PRKDC: variants seen among roughly 807,000 people sequenced by gnomAD.
PRKDC encodes the protein protein kinase, DNA-activated, catalytic subunit, also known as DNA-dependent protein kinase catalytic subunit.
PRKDC carries 82 observed loss-of-function variants against 486.9 expected under a neutral mutation model. The ratio of observed to expected loss-of-function variants is 0.17; its 90% confidence interval spans 0.14 to 0.20. The LOEUF (loss-of-function observed/expected upper bound fraction) is 0.20. Ranked by LOEUF, PRKDC falls within the 10% of genes least tolerant of loss-of-function variation. The pLI is 1.00. For synonymous variants in PRKDC, 1,895 were observed against 1,837.0 expected (o/e 1.03, Z -0.81); for missense variants, 4,504 against 5,038.2 (o/e 0.89, Z 3.21).
intron 7 of PRKDC, among the ~76,000 whole-genome samples, chr8:47,951,003 C>T (rs1298752121): frequency 2.6e-5 from 4 of 152,128 alleles, no homozygotes; most frequent in African/African-American, 9.7e-5. Flanking sequence ...AATAAAAAAA[C>T]TGAACTTTAG....
chr8:47,941,524 G>A (rs1295593634), intron 10 of PRKDC, among the ~76,000 whole-genome samples: 1 of 152,202 alleles, frequency 6.6e-6, no homozygotes, highest in East Asian at 1.9e-4. Context: ...GGAGCACCCA[G>A]TCAATGCTCC....
intron 80 of PRKDC, among the ~76,000 whole-genome samples, chr8:47,780,663 G>T (rs1376408913): frequency 6.6e-6 from 1 of 152,184 alleles, no homozygotes; most frequent in East Asian, 1.9e-4. Context: ...CTGTAGGCCG[G>T]GCGCAGTGGC....
chr8:47,941,046 C>A (rs1268975385), intron 10 of PRKDC, among the ~76,000 whole-genome samples: 1 of 151,386 alleles, frequency 6.6e-6, no homozygotes, highest in African/African-American at 2.4e-5. Context: ...ACGAGAATTG[C>A]TTAAACGCAG....
chr8:47,905,839 G>A (rs928076521), intron 25 of PRKDC, among the ~76,000 whole-genome samples: 3 of 152,116 alleles, frequency 2.0e-5, no homozygotes, highest in Non-Finnish European at 4.4e-5. Flanking sequence ...CCCTGGCTTT[G>A]TAAAATCCAA....
chr8:47,779,194 G>A (rs2086658439), intron 80 of PRKDC, 101 bp from the exon 81 acceptor site: 2 of 825,820 alleles, frequency 2.4e-6, no homozygotes, highest in Non-Finnish European at 1.9e-6. Flanking sequence ...TAGCAAAGAG[G>A]CAGGAAAAAA....
At position 47,830,746 on chromosome 8, in the gene PRKDC, C is replaced by T. The variant is rs187781588; in HGVS notation, c.8266-10G>A. On this transcript the variant is annotated splice_polypyrimidine_tract_variant and intron_variant, in intron 60 of 85. Transcript: ENST00000314191. The stretch of plus-strand genomic sequence containing the variant: ...ACTCACTCTTGATTTCCTATAAGCA[C>T]CAGAACCAAAGAAGAAGATGAGCAT... The T allele has an allele frequency of 8.6e-5, 138 of 1,613,772 alleles. No individual in the cohort carries two copies. The African/African-American group carries it at 1.6e-3, about 19-fold the overall frequency.
intron 21 of PRKDC, among the ~76,000 whole-genome samples, chr8:47,923,759 C>A (rs1419169124): frequency 6.6e-6 from 1 of 152,164 alleles, no homozygotes; most frequent in Non-Finnish European, 1.5e-5. Flanking sequence ...CGTCAGTCAG[C>A]AAGGAGACAG....
At chr8:47,918,146 T>C in intron 22 of PRKDC, 131 bp downstream of exon 22, 1 of 556,654 alleles carries the variant, frequency 1.8e-6, no homozygotes, top group Non-Finnish European at 2.9e-6. Context: ...ATATTAAAAT[T>C]ATTTTTATAT....
At chr8:47,860,172 A>T (rs761140935) in intron 45 of PRKDC, among the ~76,000 whole-genome samples, 14 of 152,232 alleles carry the variant, frequency 9.2e-5, no homozygotes, top group Non-Finnish European at 1.3e-4. Context: ...TCATATCAAG[A>T]AATGATGATA....
At chr8:47,783,604 G>A (rs1040955155) in intron 78 of PRKDC, 138 bp downstream of exon 78, 2 of 829,992 alleles carry the variant, frequency 2.4e-6, no homozygotes, top group Non-Finnish European at 3.7e-6. Context: ...AAAAAAAGAG[G>A]AATTCAGTAA....
chr8:47,803,086 C>T (rs1485421537), intron 70 of PRKDC, among the ~76,000 whole-genome samples: 2 of 152,192 alleles, frequency 1.3e-5, no homozygotes, highest in Non-Finnish European at 2.9e-5. Flanking sequence ...TGCGCCCAGG[C>T]TGAAATGGCT....
At position 47,803,493 on chromosome 8, in the gene PRKDC, A is replaced by C. The variant is rs775465659; in HGVS notation, c.9748-13T>G. The stretch of plus-strand genomic sequence containing the variant: ...GTGAGAAATTGTTCTGTATGAATAC[A>C]ATAAAAAGAGAGAAGGTGGTATGAT... On this transcript the variant is annotated splice_polypyrimidine_tract_variant and intron_variant, in intron 69 of 85. Coordinates refer to ENST00000314191, the MANE Select transcript of PRKDC (RefSeq NM_006904.7). 3 of 1,613,084 alleles carry C rather than the reference A, an allele frequency of 1.9e-6. No individual in the cohort carries two copies. Among genetic ancestry groups the C allele is most frequent in the Non-Finnish European group, 2.5e-6 (3 of 1,179,110 alleles).
rs760768490 is a variant in PRKDC, at chr8:47,783,723, C to T, written c.11175+19G>A. 19 of 1,613,410 alleles carry T rather than the reference C, an allele frequency of 1.2e-5. No homozygotes were observed. The East Asian group carries it at 3.8e-4, about 32-fold the overall frequency. On this transcript the variant is annotated intron_variant, in intron 78 of 85. Transcript: ENST00000314191. ...ACGTTCATCAGGACAGGGACTGGGT[C>T]ACACACCCTCACACCTACCCGCTCA... is the stretch of plus-strand genomic sequence containing the variant.
chr8:47,799,091 AG>A, intron 72 of PRKDC, 118 bp downstream of exon 72: 8 of 1,313,290 alleles, frequency 6.1e-6, no homozygotes, highest in Non-Finnish European at 5.2e-6. Context: ...AAAAGACAGT[AG>A]GATTTTCAAA....
intron 68 of PRKDC, 59 bp from the exon 69 acceptor site, chr8:47,807,385 C>A: frequency 7.5e-7 from 1 of 1,324,928 alleles, no homozygotes; most frequent in Non-Finnish European, 1.0e-6. Context: ...TGCTGGATAG[C>A]AATTACAGGC....
At chr8:47,946,937 G>A (rs1387661727) in intron 7 of PRKDC, among the ~76,000 whole-genome samples, 1 of 152,134 alleles carries the variant, frequency 6.6e-6, no homozygotes, top group Non-Finnish European at 1.5e-5. Flanking sequence ...AGACCCCTGT[G>A]AAACATCTCT....
At chr8:47,872,583 G>C (rs188353025) in intron 40 of PRKDC, among the ~76,000 whole-genome samples, 56 of 150,346 alleles carry the variant, frequency 3.7e-4, no homozygotes, top group Admixed American at 1.7e-3. Flanking sequence ...TGAAAATAAA[G>C]GGATGAAAAA....
intron 36 of PRKDC, among the ~76,000 whole-genome samples, chr8:47,882,606 ACAAG>A (rs1174816240): frequency 6.6e-6 from 1 of 152,198 alleles, no homozygotes; most frequent in Non-Finnish European, 1.5e-5. Flanking sequence ...GTGTACACAC[ACAAG>A]CAAACATGCA....
At chr8:47,812,672 C>T (rs1025194793) in intron 68 of PRKDC, among the ~76,000 whole-genome samples, 1 of 151,180 alleles carries the variant, frequency 6.6e-6, no homozygotes, top group Non-Finnish European at 1.5e-5. Context: ...CAGTTTCCAC[C>T]TAAAGAAACT....
Sources: allele counts gnomAD v4.1 joint callset (sites outside exome capture counted in the v4.1 genomes callset), GRCh38; gene constraint gnomAD v4.1.1; transcripts MANE v1.5; gene names NCBI Gene and HGNC (gene_info 2026-07-23, HGNC 2026-07-21).